PPOX: variants seen among roughly 807,000 people sequenced by gnomAD.
PPOX encodes the protein protoporphyrinogen oxidase.
A neutral mutation model predicts 54.1 loss-of-function variants in PPOX; 23 were observed. The observed-to-expected ratio is 0.43, with a 90% CI of 0.31 to 0.60. The LOEUF (loss-of-function observed/expected upper bound fraction) is 0.60, where lower values mean the gene tolerates loss of function less well. Among genes scored for constraint, PPOX ranks in the 20% least tolerant of loss-of-function variants. The pLI is 0.13. For missense variants in PPOX, 512 were observed against 601.1 expected (o/e 0.85, Z 1.55); for synonymous variants, 224 against 236.1 (o/e 0.95, Z 0.47).
intron 3 of PPOX, 36 bp from the exon 4 acceptor site, chr1:161,167,335 T>C (rs750216530): frequency 6.2e-7 from 1 of 1,614,050 alleles, no homozygotes; most frequent in Non-Finnish European, 8.5e-7. Context: ...AGATCTTCCC[T>C]TAGTTTCTCC....
intron 12 of PPOX, 27 bp from the exon 13 acceptor site, chr1:161,171,007 A>C: frequency 6.2e-7 from 1 of 1,614,160 alleles, no homozygotes; most frequent in South Asian, 1.1e-5. Flanking sequence ...CCCCAGCTAA[A>C]ACATTCCTTT....
In PPOX at chr1:161,167,246, G is replaced by T. The variant is rs1659302846; in HGVS notation, c.222+12G>T. 1.2e-6 allele frequency: 2 copies of T among 1,614,170 alleles called. No homozygotes were observed. The highest frequency in any genetic ancestry group is 1.7e-6 in the Non-Finnish European group (2 of 1,180,024). On this transcript the variant is annotated intron_variant, in intron 3 of 12. Transcript: ENST00000367999. ...GGACCTTGCTCCTGGTGAGAGGCTT[G>T]TGGGATGTCTAGGAGAGGTTGTGGA...
chr1:161,169,224 C>CAAA (rs1558031550), intron 7 of PPOX, 41 bp downstream of exon 7: 2 of 1,605,846 alleles, frequency 1.2e-6, no homozygotes, highest in Non-Finnish European at 1.7e-6. Flanking sequence ...GTCAGTGTTT[C>CAAA]CATCTTTATC....
chr1:161,174,854 G>A, downstream of PPOX: 1 of 847,590 alleles, frequency 1.2e-6, no homozygotes, highest in African/African-American at 1.7e-5. Context: ...GAAGAGCAGT[G>A]CCGGGTGCTT....
intron 7 of PPOX, 51 bp from the exon 8 acceptor site, chr1:161,169,609 A>C: frequency 6.3e-7 from 1 of 1,576,460 alleles, no homozygotes; most frequent in Non-Finnish European, 8.7e-7. Context: ...GTCTCTTTTC[A>C]CTCATCAAAT....
chr1:161,167,646 CT>C, intron 4 of PPOX, 160 bp downstream of exon 4: 2 of 1,035,092 alleles, frequency 1.9e-6, no homozygotes, highest in Non-Finnish European at 2.7e-6. Context: ...CTCACTGCAA[CT>C]TCCGCCTTTC....
chr1:161,171,329 T>C (rs371169025), downstream of PPOX: 43 of 1,277,682 alleles, frequency 3.4e-5, no homozygotes, highest in South Asian at 4.8e-4. Context: ...AAGTCCTTTA[T>C]TAGAAAATAT....
At chr1:161,167,556 T>C in intron 4 of PPOX, 70 bp downstream of exon 4, 1 of 1,205,404 alleles carries the variant, frequency 8.3e-7, no homozygotes, top group Non-Finnish European at 1.1e-6. Context: ...TTTCTTCTTT[T>C]CTTTTTTTTT....
At chr1:161,175,932 T>G (rs1244115634), downstream of PPOX, 2 of 1,614,042 alleles carry the variant, frequency 1.2e-6, no homozygotes, top group African/African-American at 1.3e-5. Flanking sequence ...CAAATGTCGG[T>G]CCCTGATCTC....
downstream of PPOX, chr1:161,176,102 G>A (rs768086062): frequency 3.1e-6 from 5 of 1,609,348 alleles, no homozygotes; most frequent in South Asian, 3.3e-5. Context: ...AATTCTGGGG[G>A]TAGGCAGGAA....
At chr1:161,176,400 T>G (rs1184480412) in intron 4 of PPOX, 1 of 415,004 alleles carries the variant, frequency 2.4e-6, no homozygotes, top group Non-Finnish European at 4.4e-6. Context: ...GAGAACCCCC[T>G]CTTCCAATTT....
At chr1:161,174,919 T>A, downstream of PPOX, 1 of 1,481,006 alleles carries the variant, frequency 6.8e-7, no homozygotes, top group Non-Finnish European at 9.4e-7. Context: ...CCCATTTAGA[T>A]GAAAGTGAAG....
At chr1:161,177,220 G>A (rs186324339), downstream of PPOX, 1 of 716,910 alleles carries the variant, frequency 1.4e-6, no homozygotes, top group South Asian at 1.9e-5. Flanking sequence ...CAGCTCTTTC[G>A]GAGCACGCCC....
chr1:161,177,352 A>G (rs1571552168), downstream of PPOX: 2 of 445,034 alleles, frequency 4.5e-6, no homozygotes, highest in East Asian at 8.1e-5. Context: ...GTTACCCAAA[A>G]CTTCTCACTC....
chr1:161,175,990 A>G (rs1418810854), downstream of PPOX: 1 of 1,614,122 alleles, frequency 6.2e-7, no homozygotes, highest in Admixed American at 1.7e-5. Flanking sequence ...TGACAGGTAC[A>G]TCATGACAGC....
At chr1:161,170,321 T>TGGGGGCG in intron 9 of PPOX, 88 bp from the exon 10 acceptor site, 1 of 367,766 alleles carries the variant, frequency 2.7e-6, no homozygotes, top group Non-Finnish European at 5.3e-6. Flanking sequence ...TGAGACTCTG[T>TGGGGGCG]CCCCCCCACC....
At chr1:161,172,724 C>T (rs1326588612), downstream of PPOX, among the ~76,000 whole-genome samples, 1 of 152,132 alleles carries the variant, frequency 6.6e-6, no homozygotes, top group African/African-American at 2.4e-5. Context: ...TCTCCCACAT[C>T]CCCCATGTTA....
chr1:161,176,191 G>T, downstream of PPOX: 1 of 1,149,762 alleles, frequency 8.7e-7, no homozygotes. Context: ...AGAAAACAAA[G>T]TCACAGAAGG....
chr1:161,170,320 G>GGGGGGGGGGGGCCCCCC, intron 9 of PPOX, 89 bp from the exon 10 acceptor site: 1 of 494,788 alleles, frequency 2.0e-6, no homozygotes, highest in Non-Finnish European at 4.0e-6. Context: ...GTGAGACTCT[G>GGGGGGGGGGGGCCCCCC]TCCCCCCCAC....
Sources: allele counts gnomAD v4.1 joint callset (sites outside exome capture counted in the v4.1 genomes callset), GRCh38; gene constraint gnomAD v4.1.1; transcripts MANE v1.5; gene names NCBI Gene and HGNC (gene_info 2026-07-23, HGNC 2026-07-21).